Variants in ADAMTS2 observed in about 807,000 individuals in gnomAD.
ADAMTS2 encodes the protein A disintegrin and metalloproteinase with thrombospondin motifs 2.
A neutral mutation model predicts 123.0 loss-of-function variants in ADAMTS2; 50 were observed. The ratio of observed to expected loss-of-function variants is 0.41; its 90% CI spans 0.32 to 0.51. The LOEUF is 0.51. Ranked by LOEUF, ADAMTS2 falls within the 20% of genes least tolerant of loss-of-function variation. The pLI is 0.35. For synonymous variants in ADAMTS2, 678 were observed against 695.4 expected, an observed-to-expected ratio of 0.98 and a Z score of 0.39; for missense variants, 1,494 against 1,705.2, an observed-to-expected ratio of 0.88 and a Z score of 2.18.
At position 179,113,155 on chromosome 5, in the gene ADAMTS2, AAAGATT is replaced by A. The variant is rs1310626804; in HGVS notation, c.*706_*711del. ...CTTAAAATGTTCTGAGTCGACCTTT[AAAGATT>A]GAGTTTTTTTCATGCAAAAATCTAG... On this transcript the variant is annotated 3_prime_UTR_variant, in exon 22 of 22. Coordinates refer to ENST00000251582, the MANE Select transcript of ADAMTS2 (RefSeq NM_014244.5). 1 of 153,404 alleles carries A rather than the reference AAAGATT, an allele frequency of 6.5e-6. No individual in the cohort carries two copies. Among genetic ancestry groups the A allele is most frequent in the Admixed American group, 6.4e-5 (1 of 15,518 alleles). 9.5% of individuals were successfully genotyped at this position (153,404 alleles called of 1,614,324 possible).
intron 3 of ADAMTS2, among the ~76,000 whole-genome samples, chr5:179,227,064 A>G (rs1348273691): frequency 6.6e-6 from 1 of 152,014 alleles, no homozygotes; most frequent in East Asian, 1.9e-4. Context: ...TATCTACAGG[A>G]CACAAAATCC....
chr5:179,176,807 C>T (rs886610684), intron 5 of ADAMTS2, among the ~76,000 whole-genome samples: 9 of 152,248 alleles, frequency 5.9e-5, no homozygotes, highest in Non-Finnish European at 1.2e-4. Flanking sequence ...CTGCTCCTTG[C>T]GATCGGCTCC....
chr5:179,124,232 G>A (rs899266241), intron 19 of ADAMTS2, among the ~76,000 whole-genome samples: 8 of 152,144 alleles, frequency 5.3e-5, no homozygotes, highest in East Asian at 1.9e-4. Context: ...CCTGACACAC[G>A]CTCCTCCAGC....
chr5:179,191,559 A>C (rs2113338572), intron 4 of ADAMTS2, among the ~76,000 whole-genome samples: 1 of 146,418 alleles, frequency 6.8e-6, no homozygotes, highest in East Asian at 2.1e-4. Context: ...GGGAAGGAAA[A>C]TGCCGCTATG....
At chr5:179,328,699 T>C (rs1757379009) in intron 2 of ADAMTS2, among the ~76,000 whole-genome samples, 1 of 152,224 alleles carries the variant, frequency 6.6e-6, no homozygotes, top group Non-Finnish European at 1.5e-5. Context: ...ACCTACTGTA[T>C]TATAAATTAA....
At chr5:179,230,087 C>G (rs1193816763) in intron 3 of ADAMTS2, among the ~76,000 whole-genome samples, 1 of 152,328 alleles carries the variant, frequency 6.6e-6, no homozygotes. Flanking sequence ...AATCAAATCC[C>G]TGAGAGTCAG....
rs1228309414 is a variant in ADAMTS2, at chr5:179,228,933, G to A, written c.689-21218C>T. Among the ~76,000 whole-genome samples, 1 of 152,184 alleles carries A rather than the reference G, an allele frequency of 6.6e-6. No individual in the cohort carries two copies. Among genetic ancestry groups the A allele is most frequent in the Non-Finnish European group, 1.5e-5 (1 of 68,034 alleles). Reference sequence around the variant, plus strand: ...AGCTCAGTCAGTCTGGCTGGATCCTGAGCTCCTCCCCCGGCCTGTGCTTGA... The same window carrying A: ...AGCTCAGTCAGTCTGGCTGGATCCTAAGCTCCTCCCCCGGCCTGTGCTTGA... On this transcript the variant is annotated intron_variant, in intron 3 of 21. Transcript: ENST00000251582. This position sits in a 1 kb window ranked among gnomAD's most constrained non-coding sequence, Gnocchi z 5.2.
At position 179,141,781 on chromosome 5, in the gene ADAMTS2, CAG is replaced by C. The variant is rs1763176375; in HGVS notation, c.1630-1748_1630-1747del. ...GGTGTCATCCCTCTCAACTCTGTTG[CAG>C]AGTCTCTCTCTGGTGGGATGGCCAA... is the stretch of plus-strand genomic sequence containing the variant. On this transcript the variant is annotated intron_variant, in intron 10 of 21. Coordinates refer to ENST00000251582, the MANE Select transcript of ADAMTS2 (RefSeq NM_014244.5). 5.9e-5 allele frequency among the ~76,000 whole-genome samples: 9 copies of C among 152,294 alleles called. No individual in the cohort carries two copies. In the South Asian group the frequency reaches 1.9e-3, roughly 32 times the overall value.
At chr5:179,198,060 C>T (rs1412750466) in intron 4 of ADAMTS2, among the ~76,000 whole-genome samples, 1 of 152,174 alleles carries the variant, frequency 6.6e-6, no homozygotes, top group African/African-American at 2.4e-5. Context: ...TGTGTCCCAG[C>T]CTGGCAGCAC....
chr5:179,336,517 G>A (rs1413946029), intron 2 of ADAMTS2, among the ~76,000 whole-genome samples: 1 of 152,084 alleles, frequency 6.6e-6, no homozygotes, highest in African/African-American at 2.4e-5. Context: ...TGGGGCCCGC[G>A]CCTCCAGGGA....
At chr5:179,338,446 G>A (rs1044257673) in intron 2 of ADAMTS2, among the ~76,000 whole-genome samples, 3 of 152,194 alleles carry the variant, frequency 2.0e-5, no homozygotes, top group African/African-American at 2.4e-5. Flanking sequence ...GAGGGACTGC[G>A]CTGCACTGCT....
chr5:179,310,769 G>T (rs775038299), intron 2 of ADAMTS2, among the ~76,000 whole-genome samples: 1 of 152,162 alleles, frequency 6.6e-6, no homozygotes, highest in Admixed American at 6.5e-5. Flanking sequence ...GTCCCTCAAA[G>T]GTGGGTGTAG....
intron 2 of ADAMTS2, among the ~76,000 whole-genome samples, chr5:179,286,765 A>G (rs773990288): frequency 6.6e-6 from 1 of 152,122 alleles, no homozygotes; most frequent in Non-Finnish European, 1.5e-5. Context: ...ATTCTCTCAC[A>G]GTCCTGGAGG....
chr5:179,167,318 G>C (rs1332849718), intron 5 of ADAMTS2, among the ~76,000 whole-genome samples: 2 of 151,966 alleles, frequency 1.3e-5, no homozygotes, highest in Non-Finnish European at 2.9e-5. Context: ...GCCCGGGCCG[G>C]GGACGCACCC....
chr5:179,211,105 C>A (rs1764840899), intron 3 of ADAMTS2, among the ~76,000 whole-genome samples: 1 of 152,232 alleles, frequency 6.6e-6, no homozygotes, highest in Non-Finnish European at 1.5e-5. Context: ...GGTCTAACAG[C>A]CCCTGTTCCA....
chr5:179,329,123 G>A lies in ADAMTS2; in HGVS notation c.534+14644C>T, dbSNP rs378435. Among the ~76,000 whole-genome samples the A allele has an allele frequency of 1.4e-3, 212 of 151,838 alleles. 1 individual carries two copies. The highest frequency in any genetic ancestry group is 4.8e-3 in the African/African-American group (198 of 41,406). ...AGGGCGGATCACGAGGTCAGGAGAT[G>A]GAGACCATCCTGGCTAACACGGTGA... is the stretch of plus-strand genomic sequence containing the variant. On this transcript the variant is annotated intron_variant, in intron 2 of 21. Transcript: ENST00000251582.
intron 6 of ADAMTS2, 41 bp from the exon 7 acceptor site, chr5:179,154,960 C>A: frequency 6.3e-7 from 1 of 1,577,750 alleles, no homozygotes; most frequent in South Asian, 1.1e-5. Context: ...CTGCCATAGC[C>A]TGGCCGGGAA....
rs971493549 is a variant in ADAMTS2 at position 179,225,924 on chromosome 5, G to A, written c.689-18209C>T. Among the ~76,000 whole-genome samples the A allele has an allele frequency of 1.2e-4, 19 of 152,286 alleles. No homozygotes were observed. The highest frequency in any genetic ancestry group is 6.8e-3 in the Middle Eastern group (2 of 292). ...CTAACTGAGCTGGTTAACACAAGCC[G>A]CCTACAGACAGCTAAAGTAAAAGAG... On this transcript the variant is annotated intron_variant, in intron 3 of 21. Coordinates refer to ENST00000251582, the MANE Select transcript of ADAMTS2 (RefSeq NM_014244.5). The surrounding 1 kb of genome is among the most constrained non-coding windows in gnomAD (Gnocchi z 4.5).
chr5:179,218,771 G>A (rs558549602), intron 3 of ADAMTS2, among the ~76,000 whole-genome samples: 9 of 152,274 alleles, frequency 5.9e-5, no homozygotes, highest in East Asian at 1.9e-4. Context: ...ACAGATGGAC[G>A]CTCCAGCCCA....
Sources: gnomAD v4.1 joint callset for allele counts (sites outside exome capture counted in the v4.1 genomes callset) on GRCh38, gnomAD v4.1.1 for gene constraint, Gnocchi (gnomAD v3.1) non-coding constraint, MANE v1.5 for transcripts, NCBI Gene and HGNC (gene_info 2026-07-23, HGNC 2026-07-21) for gene names.